Variants in SERPINH1 observed in about 807,000 individuals in gnomAD.
The protein encoded by SERPINH1 is serpin family H member 1.
A neutral mutation model predicts 32.3 loss-of-function variants in SERPINH1; 22 were observed. The observed-to-expected ratio is 0.68, with a 90% confidence interval of 0.49 to 0.97. SERPINH1 has a LOEUF of 0.97. Ranked by LOEUF, SERPINH1 falls within the 50% of genes least tolerant of loss-of-function variation. SERPINH1 has a pLI of 0.00. For synonymous variants in SERPINH1, 251 were observed against 245.9 expected (o/e 1.02, Z -0.19); for missense variants, 543 against 576.4 (o/e 0.94, Z 0.59).
intron 2 of SERPINH1, among the ~76,000 whole-genome samples, chr11:75,567,609 AC>A (rs1219584681): frequency 3.9e-5 from 6 of 152,230 alleles, no homozygotes; most frequent in African/African-American, 1.4e-4. Context: ...GGTGCGAGCC[AC>A]CATGTGCGGC....
intron 4 of SERPINH1, 30 bp downstream of exon 4, chr11:75,569,201 A>C (rs762851059): frequency 2.0e-6 from 3 of 1,528,104 alleles, no homozygotes; most frequent in South Asian, 2.3e-5. Flanking sequence ...AGGGGCCTGC[A>C]GGCCTTGGAG....
In SERPINH1 at chr11:75,571,637, G is replaced by T. The variant is rs962241462; in HGVS notation, c.955-144G>T. 5 of 729,200 alleles carry T rather than the reference G, an allele frequency of 6.9e-6. No homozygotes were observed. The African/African-American group carries it at 7.0e-5, about 10-fold the overall frequency. The allele number at this position is 729,200 out of a possible 1,614,324, so 45.2% of individuals were successfully genotyped here. On this transcript the variant is annotated intron_variant, in intron 4 of 4. Coordinates refer to ENST00000358171, the MANE Select transcript of SERPINH1 (RefSeq NM_001235.5). ...GAGAAAGCTGTGATTTGAAGTGCCA[G>T]TGCCATGCCTGGCATACAGAAGGTG...
chr11:75,568,806 G>A lies in SERPINH1; in HGVS notation c.698G>A (p.Gly233Asp), dbSNP rs1162741198. The A allele has an allele frequency of 1.9e-6, 3 of 1,613,870 alleles. No individual in the cohort carries two copies. The highest frequency in any genetic ancestry group is 8.5e-7 in the Non-Finnish European group (1 of 1,179,786). ...GFMVTRSYTV[G>D]VMMMHRTGLY... ...ATGGTGACTCGGTCCTATACCGTGG[G>A]TGTCATGATGATGCACCGGACAGGT... Residue 233 changes from glycine to aspartate, a missense_variant, in exon 3 of 5, where the codon GGT (glycine) becomes GAT (aspartate). This residue lies in a region of SERPINH1 where 427 missense variants were observed against 446.4 expected (regional missense o/e 0.96). Coordinates refer to ENST00000358171, the MANE Select transcript of SERPINH1 (RefSeq NM_001235.5).
intron 4 of SERPINH1, 140 bp downstream of exon 4, chr11:75,569,311 C>G: frequency 1.5e-6 from 1 of 647,264 alleles, no homozygotes; most frequent in East Asian, 2.7e-5. Flanking sequence ...ATGGGGGAAG[C>G]TGGGGCAGGA....
chr11:75,570,424 T>C (rs1942176269), intron 4 of SERPINH1, among the ~76,000 whole-genome samples: 1 of 152,142 alleles, frequency 6.6e-6, no homozygotes, highest in African/African-American at 2.4e-5. Context: ...CCCAGCCCCT[T>C]CTCCAGTGGC....
At chr11:75,565,620 A>G (rs1259209889) in intron 1 of SERPINH1, among the ~76,000 whole-genome samples, 4 of 9,672 alleles carry the variant, frequency 4.1e-4, no homozygotes, top group African/African-American at 7.3e-4. Context: ...CACAGGACAC[A>G]CACACACACA....
At chr11:75,565,554 T>A (rs1024143111) in intron 1 of SERPINH1, among the ~76,000 whole-genome samples, 1 of 152,136 alleles carries the variant, frequency 6.6e-6, no homozygotes. Flanking sequence ...ACAGAAGCCA[T>A]GGGCATGGAG....
chr11:75,566,533 C>G lies in SERPINH1; in HGVS notation c.184C>G (p.Gln62Glu). Reference sequence around the variant, plus strand: ...CTTGTACCAGGCCATGGCCAAGGACCAGGCAGTGGAGAACATCCTGGTGTC... The same window carrying G: ...CTTGTACCAGGCCATGGCCAAGGACGAGGCAGTGGAGAACATCCTGGTGTC... The part of the protein sequence containing the change: ...FSLYQAMAKD[Q>E]AVENILVSPV... The change falls in exon 2 of 5, where the codon CAG (glutamine) becomes GAG (glutamate). Residue 62 changes from glutamine to glutamate, a missense_variant. Transcript: ENST00000358171. The G allele has an allele frequency of 6.2e-7, 1 of 1,612,022 alleles. No homozygotes were observed. Among genetic ancestry groups the G allele is most frequent in the South Asian group, 1.1e-5 (1 of 90,966 alleles).
intron 2 of SERPINH1, chr11:75,567,838 T>C (rs1942117707): frequency 6.6e-6 from 1 of 152,208 alleles, no homozygotes. Context: ...GAAGTAACCC[T>C]CGTTTTACAA....
In SERPINH1 at chr11:75,568,948, A is replaced by G. The variant is rs773393677; in HGVS notation, c.731A>G (p.Asn244Ser). 5.6e-6 allele frequency: 9 copies of G among 1,614,018 alleles called. No individual in the cohort carries two copies. The highest frequency in any genetic ancestry group is 7.6e-6 in the Non-Finnish European group (9 of 1,180,018). The change falls in exon 4 of 5, where the codon AAC becomes AGC. Residue 244 changes from asparagine to serine, a missense_variant. By Grantham distance (46) the Asn-to-Ser change is conservative (BLOSUM62 1). Coordinates refer to ENST00000358171, the MANE Select transcript of SERPINH1 (RefSeq NM_001235.5). The part of the protein sequence containing the change: ...VMMMHRTGLY[N>S]YYDDEKEKLQ... ...TCCGCTCCTCTCCCAGGCCTCTACA[A>G]CTACTACGACGACGAGAAGGAAAAG...
rs534768780 is a variant in SERPINH1, at chr11:75,572,705, G to C, written c.*622G>C. ...GTTCTTCAAAGATAGGGAGGGAAGGGGGAACATGAGCCTTTGTTGCTATCA... is the reference window on the plus strand; with the variant it reads ...GTTCTTCAAAGATAGGGAGGGAAGGCGGAACATGAGCCTTTGTTGCTATCA... On this transcript the variant is annotated 3_prime_UTR_variant, in exon 5 of 5. Coordinates refer to ENST00000358171, the MANE Select transcript of SERPINH1 (RefSeq NM_001235.5). 1 of 156,506 alleles carries C rather than the reference G, an allele frequency of 6.4e-6. No individual in the cohort carries two copies. The highest frequency in any genetic ancestry group is 2.0e-4 in the South Asian group (1 of 5,120). The allele number at this position is 156,506 out of a possible 1,614,324, so 9.7% of individuals were successfully genotyped here.
rs890626783 is a variant in SERPINH1, at chr11:75,571,652, T to C, written c.955-129T>C. On this transcript the variant is annotated intron_variant, in intron 4 of 4. Transcript: ENST00000358171. ...TGAAGTGCCAGTGCCATGCCTGGCA[T>C]ACAGAAGGTGACCAGGGGGTGGTTC... 3.6e-5 allele frequency: 29 copies of C among 798,372 alleles called. No homozygotes were observed. The South Asian group carries it at 4.2e-4, about 12-fold the overall frequency. The allele number at this position is 798,372 out of a possible 1,614,324, so 49.5% of individuals were successfully genotyped here. A position where few individuals can be genotyped will look rare whatever the true frequency, so the allele number is the denominator to read the frequency against.
In SERPINH1 at chr11:75,571,940, G is replaced by A. The variant is rs200180052; in HGVS notation, c.1114G>A (p.Gly372Arg). 59 of 1,614,192 alleles carry A rather than the reference G, an allele frequency of 3.7e-5. No homozygotes were observed. Among genetic ancestry groups the A allele is most frequent in the South Asian group, 1.4e-4 (13 of 91,084 alleles). Residue 372 changes from glycine to arginine, a missense_variant, in exon 5 of 5, where the codon GGG becomes AGG. Gly to Arg is a moderately radical substitution (Grantham distance 125, BLOSUM62 -2). This residue lies in a region of SERPINH1 where 427 missense variants were observed against 446.4 expected (regional missense o/e 0.96). Coordinates refer to ENST00000358171, the MANE Select transcript of SERPINH1 (RefSeq NM_001235.5). ...CAACCCCTTTGACCAGGACATCTAC[G>A]GGCGCGAGGAGCTGCGCAGCCCCAA... ...DGNPFDQDIY[G>R]REELRSPKLF...
chr11:75,569,430 ATTT>A, intron 4 of SERPINH1: 34 of 380,926 alleles, frequency 8.9e-5, no homozygotes, highest in Non-Finnish European at 1.4e-4. Flanking sequence ...TATTATTATT[ATTT>A]TTTTTTTGAG....
intron 2 of SERPINH1, 66 bp downstream of exon 2, chr11:75,567,037 A>G: frequency 6.6e-7 from 1 of 1,520,944 alleles, no homozygotes. Flanking sequence ...AGTTAGGACG[A>G]CATTCCGTGC....
intron 4 of SERPINH1, 44 bp downstream of exon 4, chr11:75,569,215 G>T (rs768662280): frequency 1.9e-5 from 28 of 1,454,378 alleles, no homozygotes; most frequent in Admixed American, 9.7e-5. Flanking sequence ...CTTGGAGCCA[G>T]GGGGAGGTGC....
Position 75,568,806 on chromosome 11 carries a change from G to C in SERPINH1, c.698G>C (p.Gly233Ala). ...GFMVTRSYTV[G>A]VMMMHRTGLY... ...ATGGTGACTCGGTCCTATACCGTGG[G>C]TGTCATGATGATGCACCGGACAGGT... The change falls in exon 3 of 5, where the codon GGT becomes GCT. Residue 233 changes from glycine (G) to alanine (A), a missense_variant. Gly to Ala is a moderately conservative substitution (Grantham distance 60). Around this residue, in one of 3 missense-constraint regions of SERPINH1, gnomAD observed 427 missense variants for 446.4 expected, o/e 0.96. Coordinates refer to ENST00000358171, the MANE Select transcript of SERPINH1 (RefSeq NM_001235.5). 1.9e-6 allele frequency: 3 copies of C among 1,613,870 alleles called. No homozygotes were observed. The highest frequency in any genetic ancestry group is 1.7e-6 in the Non-Finnish European group (2 of 1,179,786).
In SERPINH1 at chr11:75,566,855, C is replaced by G; in HGVS notation, c.506C>G (p.Ala169Gly). 6.2e-7 allele frequency: 1 copy of G among 1,611,892 alleles called. No homozygotes were observed. Among genetic ancestry groups the G allele is most frequent in the Non-Finnish European group, 8.5e-7 (1 of 1,179,974 alleles). ...SKINFRDKRS[A>G]LQSINEWAAQ... is the part of the protein sequence containing the mutation. ...ATCAACTTCCGCGACAAGCGCAGCG[C>G]GCTGCAGTCCATCAACGAGTGGGCC... The change falls in exon 2 of 5, where the codon GCG becomes GGG. Residue 169 changes from alanine to glycine, a missense_variant. Transcript: ENST00000358171.
chr11:75,566,275 C>A, intron 1 of SERPINH1, 41 bp from the exon 2 acceptor site: 1 of 1,531,464 alleles, frequency 6.5e-7, no homozygotes. Context: ...GGGAGGAAGG[C>A]CTTGGGCTTC....
Sources: allele counts gnomAD v4.1 joint callset (sites outside exome capture counted in the v4.1 genomes callset), GRCh38; gene constraint gnomAD v4.1.1; regional missense constraint gnomAD v4.1.1; transcripts MANE v1.5; gene names NCBI Gene and HGNC (gene_info 2026-07-23, HGNC 2026-07-21).